Variants in CACNG2 observed in about 807,000 individuals in gnomAD.
The protein encoded by CACNG2 is voltage-dependent calcium channel gamma-2 subunit.
In CACNG2, 3 loss-of-function variants were observed where a neutral mutation model predicts 25.9. The ratio of observed to expected loss-of-function variants is 0.12; its 90% CI spans 0.05 to 0.30. CACNG2 has a LOEUF of 0.30. CACNG2 is among the 10% of genes least tolerant of loss of function. The pLI is 1.00. For synonymous variants in CACNG2, 167 were observed against 173.3 expected, an observed-to-expected ratio of 0.96 and a Z score of 0.29; for missense variants, 341 against 432.5, an observed-to-expected ratio of 0.79 and a Z score of 1.88.
At chr22:36,609,964 C>T (rs374148427) in intron 1 of CACNG2, among the ~76,000 whole-genome samples, 4 of 149,612 alleles carry the variant, frequency 2.7e-5, no homozygotes, top group Non-Finnish European at 4.5e-5. Flanking sequence ...CCCCCCAGAG[C>T]GTGACCGGGC....
Position 36,561,225 on chromosome 22 carries a change from CGGA to C in CACNG2, c.*3123_*3125del, listed in dbSNP as rs1362144423. 2 of 152,260 alleles carry C rather than the reference CGGA, an allele frequency of 1.3e-5. No homozygotes were observed. The highest frequency in any genetic ancestry group is 2.9e-5 in the Non-Finnish European group (2 of 68,068). 9.4% of individuals were successfully genotyped at this position (152,260 alleles called of 1,614,324 possible). On this transcript the variant is annotated 3_prime_UTR_variant, in exon 4 of 4. Transcript: ENST00000300105. ...CCTTCCCAGACGCTCTGCCAGAATT[CGGA>C]GAACTGGAGCTAGTTTTTCTCTTCA... is the stretch of plus-strand genomic sequence containing the variant.
chr22:36,670,152 T>G (rs923990806), intron 1 of CACNG2, among the ~76,000 whole-genome samples: 5 of 152,266 alleles, frequency 3.3e-5, no homozygotes, highest in Admixed American at 3.3e-4. Context: ...TTTAGTAAAC[T>G]TTTTACTGTG....
At chr22:36,676,932 T>TTGTGTGTGTGTGTGTGTGTGTGTGTG (rs138729815) in intron 1 of CACNG2, among the ~76,000 whole-genome samples, 39 of 141,758 alleles carry the variant, frequency 2.8e-4, no homozygotes, top group African/African-American at 6.6e-4. Context: ...TCTTCTAATA[T>TTGTGTGTGTGTGTGTGTGTGTGTGTG]TGTGTGTGTG....
At chr22:36,625,694 T>G (rs1235949473) in intron 1 of CACNG2, among the ~76,000 whole-genome samples, 3 of 152,212 alleles carry the variant, frequency 2.0e-5, no homozygotes, top group Non-Finnish European at 4.4e-5. Context: ...GGAGAAATCG[T>G]GTTTATCTTT....
At chr22:36,601,485 T>C (rs540777255) in intron 1 of CACNG2, among the ~76,000 whole-genome samples, 1 of 152,288 alleles carries the variant, frequency 6.6e-6, no homozygotes, top group Non-Finnish European at 1.5e-5. Flanking sequence ...GGAGTGTAGA[T>C]ACCTTTTTTA....
At chr22:36,680,365 A>G (rs201567477) in intron 1 of CACNG2, among the ~76,000 whole-genome samples, 4,759 of 117,332 alleles carry the variant, frequency 0.041, 53 homozygotes, top group South Asian at 0.078. Flanking sequence ...CATCATCACC[A>G]TCATCACCAT....
intron 1 of CACNG2, among the ~76,000 whole-genome samples, chr22:36,598,618 A>AAAAAC (rs765322416): frequency 6.6e-6 from 1 of 151,900 alleles, no homozygotes; most frequent in Non-Finnish European, 1.5e-5. Flanking sequence ...GAATCCGTCT[A>AAAAAC]AAAACAAAAC....
In CACNG2 at chr22:36,606,106, G is replaced by A. The variant is rs749249559; in HGVS notation, c.212-18558C>T. ...ATCTTTCAGTTCAGTACTTCAGCTC[G>A]TCCTTGAATTTTTATCAAGTGGTTA... On this transcript the variant is annotated intron_variant, in intron 1 of 3. Transcript: ENST00000300105. This position sits in a 1 kb window ranked among gnomAD's most constrained non-coding sequence, Gnocchi z 5.7. 3.9e-5 allele frequency among the ~76,000 whole-genome samples: 6 copies of A among 152,280 alleles called. No individual in the cohort carries two copies. The highest frequency in any genetic ancestry group is 1.9e-4 in the East Asian group (1 of 5,184).
intron 1 of CACNG2, among the ~76,000 whole-genome samples, chr22:36,605,433 T>C (rs1935816489): frequency 6.6e-6 from 1 of 152,220 alleles, no homozygotes. Flanking sequence ...CACTATGTTA[T>C]GATATCTGGT....
intron 1 of CACNG2, among the ~76,000 whole-genome samples, chr22:36,687,234 C>A (rs559612789): frequency 2.0e-5 from 3 of 152,252 alleles, no homozygotes; most frequent in East Asian, 1.9e-4. Context: ...TCCAGGCCAG[C>A]CTTGTAGTTT....
chr22:36,669,413 C>T (rs111357156), intron 1 of CACNG2, among the ~76,000 whole-genome samples: 8,409 of 144,538 alleles, frequency 0.058, 811 homozygotes, highest in African/African-American at 0.2. Context: ...GAGGCTGAGG[C>T]AGGAGAATTG....
At chr22:36,694,632 G>A (rs1297440258) in intron 1 of CACNG2, among the ~76,000 whole-genome samples, 1 of 152,124 alleles carries the variant, frequency 6.6e-6, no homozygotes, top group Admixed American at 6.5e-5. Context: ...AGGGTATGGG[G>A]CTGTCTCAAA....
In CACNG2 at chr22:36,568,584, T is replaced by C. The variant is rs547270262; in HGVS notation, c.296-2091A>G. ...CACACCTGGCTAGTTTTTGTATTTT[T>C]AGTAGAGACGGGGTTTCGCTATGTT... On this transcript the variant is annotated intron_variant, in intron 2 of 3. Coordinates refer to ENST00000300105, the MANE Select transcript of CACNG2 (RefSeq NM_006078.5). 6.6e-5 allele frequency among the ~76,000 whole-genome samples: 10 copies of C among 151,936 alleles called. No individual in the cohort carries two copies. In the East Asian group the frequency reaches 1.9e-3, roughly 30 times the overall value.
intron 1 of CACNG2, among the ~76,000 whole-genome samples, chr22:36,608,532 C>A (rs1436313955): frequency 6.6e-6 from 1 of 152,200 alleles, no homozygotes; most frequent in African/African-American, 2.4e-5. Flanking sequence ...ATCTGATGTA[C>A]TCATCACATC....
At chr22:36,669,053 T>C (rs1936912477) in intron 1 of CACNG2, among the ~76,000 whole-genome samples, 1 of 152,082 alleles carries the variant, frequency 6.6e-6, no homozygotes, top group Admixed American at 6.6e-5. Flanking sequence ...CACCCAGAAA[T>C]AATGTTCTAC....
chr22:36,695,792 A>C (rs1937331585), intron 1 of CACNG2, among the ~76,000 whole-genome samples: 5 of 152,166 alleles, frequency 3.3e-5, no homozygotes, highest in Admixed American at 2.6e-4. Flanking sequence ...TTGGGATTCA[A>C]ATAATGTGAA....
At position 36,657,119 on chromosome 22, in the gene CACNG2, G is replaced by T. The variant is rs563886270; in HGVS notation, c.211+45247C>A. 8.3e-4 allele frequency among the ~76,000 whole-genome samples: 126 copies of T among 152,302 alleles called. 1 individual carries two copies. Among genetic ancestry groups the T allele is most frequent in the African/African-American group, 2.9e-3 (120 of 41,558 alleles). On this transcript the variant is annotated intron_variant, in intron 1 of 3. Coordinates refer to ENST00000300105, the MANE Select transcript of CACNG2 (RefSeq NM_006078.5). ...GTAGTGGTTGGGTTGCTTCCATGTG[G>T]CACCTGCCTCAGTCTCTGATGTTTG...
chr22:36,681,890 T>C lies in CACNG2; in HGVS notation c.211+20476A>G, dbSNP rs1937129311. On this transcript the variant is annotated intron_variant, in intron 1 of 3. Coordinates refer to ENST00000300105, the MANE Select transcript of CACNG2 (RefSeq NM_006078.5). Reference sequence around the variant, plus strand: ...GCTGGAGGCATGGCATGTGTATGTTTCCTGTAGATAATTACTCCCCCCACT... The same window carrying C: ...GCTGGAGGCATGGCATGTGTATGTTCCCTGTAGATAATTACTCCCCCCACT... Among the ~76,000 whole-genome samples the C allele has an allele frequency of 1.3e-5, 2 of 152,148 alleles. 1 individual carries two copies. Among genetic ancestry groups the C allele is most frequent in the South Asian group, 4.1e-4 (2 of 4,820 alleles).
intron 1 of CACNG2, among the ~76,000 whole-genome samples, chr22:36,701,594 T>TG (rs1486304494): frequency 2.3e-5 from 3 of 128,394 alleles, no homozygotes; most frequent in Admixed American, 9.8e-5. Flanking sequence ...CCGGCTGCAA[T>TG]GCTGACTCTA....
Sources: allele counts gnomAD v4.1 joint callset (sites outside exome capture counted in the v4.1 genomes callset), GRCh38; gene constraint gnomAD v4.1.1; non-coding constraint Gnocchi (gnomAD v3.1); transcripts MANE v1.5; gene names NCBI Gene and HGNC (gene_info 2026-07-23, HGNC 2026-07-21).